ASIC2: variants seen among roughly 807,000 people sequenced by gnomAD.
The protein encoded by ASIC2 is acid sensing ion channel subunit 2.
In ASIC2, 25 loss-of-function variants were observed where a neutral mutation model predicts 57.3. That is an observed-to-expected ratio of 0.44 (90% CI 0.32 to 0.61). ASIC2 has a LOEUF of 0.61. Ranked by LOEUF, ASIC2 falls within the 20% of genes least tolerant of loss-of-function variation. The pLI is 0.06. For synonymous variants in ASIC2, 319 were observed against 307.5 expected (o/e 1.04, Z -0.39); for missense variants, 641 against 738.1 (o/e 0.87, Z 1.52).
intron 1 of ASIC2, among the ~76,000 whole-genome samples, chr17:33,645,925 AGGTT>A (rs1304506253): frequency 6.6e-6 from 1 of 152,146 alleles, no homozygotes; most frequent in African/African-American, 2.4e-5. Context: ...CAAACTTATG[AGGTT>A]GTTGCTATCA....
chr17:34,155,412 G>A (rs1255187422), intron 1 of ASIC2, among the ~76,000 whole-genome samples: 3 of 152,052 alleles, frequency 2.0e-5, no homozygotes, highest in African/African-American at 7.2e-5. Flanking sequence ...AGGAAGCAAG[G>A]AGACTTCCAC....
At chr17:33,361,755 C>G (rs980150153) in intron 1 of ASIC2, among the ~76,000 whole-genome samples, 5 of 152,156 alleles carry the variant, frequency 3.3e-5, no homozygotes, top group African/African-American at 4.8e-5. Context: ...CTTTCCATCA[C>G]CCCAGTGACT....
intron 1 of ASIC2, among the ~76,000 whole-genome samples, chr17:33,527,209 G>A (rs1450572508): frequency 1.3e-5 from 2 of 152,166 alleles, no homozygotes; most frequent in African/African-American, 4.8e-5. Context: ...ACAGTAGGGT[G>A]CACTGTCCAG....
intron 3 of ASIC2, among the ~76,000 whole-genome samples, chr17:33,068,150 G>A (rs961887793): frequency 1.3e-5 from 2 of 152,200 alleles, no homozygotes; most frequent in South Asian, 2.1e-4. Flanking sequence ...ACCTGGGGGG[G>A]TGGAAGGGTG....
intron 1 of ASIC2, among the ~76,000 whole-genome samples, chr17:33,882,895 G>A (rs906791842): frequency 6.6e-5 from 10 of 152,316 alleles, no homozygotes; most frequent in African/African-American, 2.4e-4. Context: ...TTAAGAAAAT[G>A]TGGCACATAT....
intron 1 of ASIC2, chr17:34,037,585 G>T (rs1230145772): frequency 8.0e-6 from 12 of 1,496,756 alleles, no homozygotes; most frequent in Non-Finnish European, 1.1e-5. Context: ...TGTCCACTTT[G>T]TGTGTGTTGA....
intron 1 of ASIC2, among the ~76,000 whole-genome samples, chr17:33,636,385 G>T (rs528213094): frequency 6.6e-6 from 1 of 152,270 alleles, no homozygotes; most frequent in African/African-American, 2.4e-5. Context: ...GGGGAAGAAG[G>T]CAGCCTTCAG....
At chr17:33,677,935 G>A (rs1002809914) in intron 1 of ASIC2, among the ~76,000 whole-genome samples, 35 of 152,208 alleles carry the variant, frequency 2.3e-4, no homozygotes, top group African/African-American at 8.0e-4. Flanking sequence ...TTTTGAAGGC[G>A]TGGGTAAACT....
chr17:33,349,514 C>T (rs933039894), intron 1 of ASIC2, among the ~76,000 whole-genome samples: 1 of 152,148 alleles, frequency 6.6e-6, no homozygotes, highest in African/African-American at 2.4e-5. Context: ...ACCAGGCCAC[C>T]TTCATTCTTA....
intron 1 of ASIC2, among the ~76,000 whole-genome samples, chr17:33,463,266 A>G: frequency 6.6e-6 from 1 of 152,170 alleles, no homozygotes; most frequent in South Asian, 2.1e-4. Context: ...GTCTTTCTGC[A>G]TTGGTTCTCA....
chr17:33,142,855 G>A (rs527318627), intron 1 of ASIC2, among the ~76,000 whole-genome samples: 2 of 152,290 alleles, frequency 1.3e-5, no homozygotes, highest in Non-Finnish European at 2.9e-5. Flanking sequence ...TATGTATCCC[G>A]TAGATGGTAA....
At chr17:33,833,513 C>CGTGT (rs142945917) in intron 1 of ASIC2, among the ~76,000 whole-genome samples, 1 of 149,188 alleles carries the variant, frequency 6.7e-6, no homozygotes, top group African/African-American at 2.5e-5. Flanking sequence ...TGTGTATGTG[C>CGTGT]GTGTGTGTGT....
chr17:33,233,631 T>C (rs1426970072), intron 1 of ASIC2, among the ~76,000 whole-genome samples: 3 of 151,988 alleles, frequency 2.0e-5, no homozygotes, highest in African/African-American at 7.3e-5. Context: ...TTTTTTTTTT[T>C]CTGAACGGCA....
At chr17:33,789,675 T>TTG (rs3064586) in intron 1 of ASIC2, among the ~76,000 whole-genome samples, 85,929 of 151,488 alleles carry the variant, frequency 0.57, 25,460 homozygotes, top group Non-Finnish European at 0.66. Context: ...ATAATTTCCT[T>TTG]TGTGTGTGTG....
At chr17:33,696,386 G>A (rs1341329396) in intron 1 of ASIC2, among the ~76,000 whole-genome samples, 1 of 152,212 alleles carries the variant, frequency 6.6e-6, no homozygotes, top group African/African-American at 2.4e-5. Flanking sequence ...GGAGCAAAGA[G>A]ACACATTTAT....
chr17:34,099,326 G>A (rs1038801333), intron 1 of ASIC2, among the ~76,000 whole-genome samples: 7 of 145,260 alleles, frequency 4.8e-5, no homozygotes, highest in African/African-American at 1.8e-4. Flanking sequence ...AGGAAAGAAA[G>A]AAGGGAGGGA....
chr17:33,911,607 AG>A (rs1259124422), intron 1 of ASIC2, among the ~76,000 whole-genome samples: 1 of 152,190 alleles, frequency 6.6e-6, no homozygotes, highest in Non-Finnish European at 1.5e-5. Context: ...ATCTTCATAT[AG>A]GAGACTGTGT....
chr17:33,890,455 C>A (rs754950995), intron 1 of ASIC2, among the ~76,000 whole-genome samples: 1 of 152,222 alleles, frequency 6.6e-6, no homozygotes. Flanking sequence ...TTGCCTTATG[C>A]CACCATGATT....
At chr17:33,361,698 T>A (rs921205044) in intron 1 of ASIC2, among the ~76,000 whole-genome samples, 1 of 152,240 alleles carries the variant, frequency 6.6e-6, no homozygotes, top group Non-Finnish European at 1.5e-5. Context: ...AAGGTCATAC[T>A]GATGATGGGT....
Sources: allele counts gnomAD v4.1 joint callset (sites outside exome capture counted in the v4.1 genomes callset), GRCh38; gene constraint gnomAD v4.1.1; transcripts MANE v1.5; gene names NCBI Gene and HGNC (gene_info 2026-07-23, HGNC 2026-07-21).